NAALADL2: variants seen among roughly 807,000 people sequenced by gnomAD.
NAALADL2 encodes inactive N-acetylated-alpha-linked acidic dipeptidase-like protein 2.
Under a neutral mutation model 87.2 loss-of-function variants are expected in NAALADL2, and 76 were observed. The observed-to-expected ratio is 0.87, with a 90% confidence interval of 0.72 to 1.05. The LOEUF (loss-of-function observed/expected upper bound fraction) is 1.05. Among genes scored for constraint, NAALADL2 ranks in the 50% least tolerant of loss-of-function variants. The pLI, the probability that NAALADL2 is intolerant of heterozygous loss-of-function variation, is 0.00. For synonymous variants in NAALADL2, 354 were observed against 331.0 expected (o/e 1.07, Z -0.75); for missense variants, 1,089 against 945.8 (o/e 1.15, Z -1.99).
Position 175,090,183 on chromosome 3 carries a change from C to G in NAALADL2, c.44-6607C>G, listed in dbSNP as rs1198760525. Among the ~76,000 whole-genome samples, 5 of 151,996 alleles carry G rather than the reference C, an allele frequency of 3.3e-5. No homozygotes were observed. The South Asian group carries it at 8.3e-4, about 25-fold the overall frequency. On this transcript the variant is annotated intron_variant, in intron 1 of 13. Transcript: ENST00000454872. ...AGAAAAAAGGAGCCCATGGCAGGAA[C>G]AGGAATTATTTACACACCCCTGAGA...
At chr3:175,146,277 G>A (rs1363375466) in intron 2 of NAALADL2, among the ~76,000 whole-genome samples, 1 of 151,676 alleles carries the variant, frequency 6.6e-6, no homozygotes, top group Non-Finnish European at 1.5e-5. Context: ...TGAGTCTCTG[G>A]TCTACCCAGA....
intron 2 of NAALADL2, among the ~76,000 whole-genome samples, chr3:174,556,528 G>C (rs1370407952): frequency 2.0e-5 from 3 of 150,804 alleles, no homozygotes; most frequent in African/African-American, 7.3e-5. Flanking sequence ...CATTCTCTTG[G>C]TTTAAAAAAA....
chr3:174,934,514 T>C (rs1159873822), intron 1 of NAALADL2, among the ~76,000 whole-genome samples: 1 of 152,108 alleles, frequency 6.6e-6, no homozygotes, highest in Non-Finnish European at 1.5e-5. Flanking sequence ...AAAATATTTA[T>C]GAAATATCAA....
chr3:175,066,641 G>A (rs1933972652), intron 1 of NAALADL2, among the ~76,000 whole-genome samples: 1 of 152,108 alleles, frequency 6.6e-6, no homozygotes, highest in South Asian at 2.1e-4. Context: ...GCTTTTCCTG[G>A]AAGATATTGT....
At chr3:175,603,825 A>G (rs1056137008) in intron 10 of NAALADL2, among the ~76,000 whole-genome samples, 2 of 151,718 alleles carry the variant, frequency 1.3e-5, no homozygotes, top group African/African-American at 4.9e-5. Flanking sequence ...GACCCCATCT[A>G]TAAAAAAAAA....
At chr3:174,605,286 C>T (rs1024516645) in intron 2 of NAALADL2, among the ~76,000 whole-genome samples, 1 of 152,190 alleles carries the variant, frequency 6.6e-6, no homozygotes, top group Non-Finnish European at 1.5e-5. Flanking sequence ...CCGGGTTCAT[C>T]TCACTAGGAA....
In NAALADL2 at chr3:175,074,375, G is replaced by A. The variant is rs143908833; in HGVS notation, c.44-22415G>A. Among the ~76,000 whole-genome samples, 5 of 152,114 alleles carry A rather than the reference G, an allele frequency of 3.3e-5. No individual in the cohort carries two copies. In the East Asian group the frequency reaches 7.7e-4, roughly 24 times the overall value. Reference sequence around the variant, plus strand: ...TTTATTTATCAAAAATATTCTCAAAGCCCAATTTTTAATAGCTGGTAAATA... The same window carrying A: ...TTTATTTATCAAAAATATTCTCAAAACCCAATTTTTAATAGCTGGTAAATA... On this transcript the variant is annotated intron_variant, in intron 1 of 13. Transcript: ENST00000454872.
At chr3:174,801,978 T>C (rs1011881439) in intron 3 of NAALADL2, among the ~76,000 whole-genome samples, 21 of 152,076 alleles carry the variant, frequency 1.4e-4, no homozygotes, top group African/African-American at 4.6e-4. Flanking sequence ...TTGATACAAA[T>C]GAATAATTTA....
chr3:175,583,846 G>A (rs1406918522), intron 10 of NAALADL2, among the ~76,000 whole-genome samples: 1 of 152,056 alleles, frequency 6.6e-6, no homozygotes, highest in African/African-American at 2.4e-5. Context: ...CAACCAGTAG[G>A]ACAAATCATA....
At chr3:174,992,972 C>G (rs997054239) in intron 1 of NAALADL2, among the ~76,000 whole-genome samples, 5 of 152,004 alleles carry the variant, frequency 3.3e-5, no homozygotes, top group African/African-American at 9.7e-5. Context: ...GGGCTTGATA[C>G]CTTGTCTTCT....
At chr3:175,301,788 C>T (rs1757117753) in intron 4 of NAALADL2, among the ~76,000 whole-genome samples, 1 of 152,106 alleles carries the variant, frequency 6.6e-6, no homozygotes, top group Admixed American at 6.6e-5. Flanking sequence ...AGTGGATATT[C>T]ATTGTGGATT....
rs3040106 is a variant in NAALADL2, at chr3:174,819,058, C to CTT, written c.-9+81339_-9+81340dup. 4.6e-3 allele frequency among the ~76,000 whole-genome samples: 217 copies of CTT among 47,548 alleles called. 40 individuals are homozygous for CTT. The highest frequency in any genetic ancestry group is 5.9e-3 in the Non-Finnish European group (149 of 25,130). The allele number at this position is 47,548 out of a possible 152,430, so 31.2% of individuals were successfully genotyped here. A position where few individuals can be genotyped will look rare whatever the true frequency, so the allele number is the denominator to read the frequency against. On this transcript the variant is annotated intron_variant, in intron 3 of 3. Coordinates refer to the NAALADL2 transcript ENST00000434257. ...GAATTTCTTTATTATACCATTTATT[C>CTT]TTTTTTTTTTTTTTTTTTTTTTTTT...
At chr3:175,164,965 C>G (rs1733771815) in intron 2 of NAALADL2, among the ~76,000 whole-genome samples, 1 of 152,152 alleles carries the variant, frequency 6.6e-6, no homozygotes, top group Non-Finnish European at 1.5e-5. Context: ...GAACTATTTT[C>G]TGCCGCACCC....
At chr3:175,162,866 T>G (rs1733441550) in intron 2 of NAALADL2, among the ~76,000 whole-genome samples, 1 of 152,118 alleles carries the variant, frequency 6.6e-6, no homozygotes, top group Non-Finnish European at 1.5e-5. Context: ...AATCAAATAT[T>G]TGTGTTTTAA....
chr3:175,409,090 CTT>C (rs1290855449), intron 5 of NAALADL2, among the ~76,000 whole-genome samples: 1 of 151,774 alleles, frequency 6.6e-6, no homozygotes, highest in East Asian at 1.9e-4. Flanking sequence ...TCTTAAATGA[CTT>C]TTTTACACAT....
At chr3:174,692,498 A>G (rs1276835322) in intron 2 of NAALADL2, among the ~76,000 whole-genome samples, 1 of 152,046 alleles carries the variant, frequency 6.6e-6, no homozygotes, top group Non-Finnish European at 1.5e-5. Flanking sequence ...ATTTTTTTGT[A>G]ATTTTTCAGT....
intron 1 of NAALADL2, among the ~76,000 whole-genome samples, chr3:175,092,379 T>A (rs1400073960): frequency 1.3e-5 from 2 of 151,908 alleles, no homozygotes; most frequent in African/African-American, 4.8e-5. Flanking sequence ...TCTCTCATTA[T>A]GACTGCTGAA....
At chr3:175,234,836 C>T (rs552985204) in intron 3 of NAALADL2, 10 of 151,980 alleles carry the variant, frequency 6.6e-5, no homozygotes, top group African/African-American at 2.4e-4. Context: ...TGGGAGGAAA[C>T]GGGCTGATTT....
chr3:175,344,291 C>T (rs553402196), intron 5 of NAALADL2, among the ~76,000 whole-genome samples: 22 of 152,122 alleles, frequency 1.4e-4, no homozygotes, highest in Admixed American at 5.3e-4. Flanking sequence ...CTTTTCAGCA[C>T]GCCTGGAATT....
Sources: allele counts gnomAD v4.1 joint callset (sites outside exome capture counted in the v4.1 genomes callset), GRCh38; gene constraint gnomAD v4.1.1; transcripts MANE v1.5; gene names NCBI Gene and HGNC (gene_info 2026-07-23, HGNC 2026-07-21).